CD200R1: variants seen among roughly 807,000 people sequenced by gnomAD.
CD200R1 encodes the protein CD200 receptor 1.
CD200R1 carries 30 observed loss-of-function variants against 38.1 expected under a neutral mutation model. The ratio of observed to expected loss-of-function variants is 0.79; its 90% CI spans 0.59 to 1.07. The LOEUF is 1.07. Ranked by LOEUF, CD200R1 falls within the 50% of genes least tolerant of loss-of-function variation. The pLI is 0.00. For missense variants in CD200R1, 372 were observed against 415.4 expected (o/e 0.90, Z 0.91); for synonymous variants, 128 against 152.1 (o/e 0.84, Z 1.16).
At chr3:112,939,869 C>A (rs200236936) in intron 2 of CD200R1, among the ~76,000 whole-genome samples, 148 of 120,208 alleles carry the variant, frequency 1.2e-3, no homozygotes, top group African/African-American at 1.2e-3. Flanking sequence ...ACAAACAAAC[C>A]AAAAAAAAAA....
At chr3:112,937,801 T>C (rs1940622205) in intron 2 of CD200R1, among the ~76,000 whole-genome samples, 2 of 152,240 alleles carry the variant, frequency 1.3e-5, no homozygotes, top group Admixed American at 6.5e-5. Flanking sequence ...ATTTTCACAA[T>C]ATTGATTCTT....
chr3:112,974,195 G>A (rs1933378297), intron 1 of CD200R1, among the ~76,000 whole-genome samples: 1 of 152,134 alleles, frequency 6.6e-6, no homozygotes, highest in African/African-American at 2.4e-5. Context: ...CAATGCTTTG[G>A]GAGTCTGAGG....
chr3:112,954,032 G>T (rs1280716757), intron 1 of CD200R1, among the ~76,000 whole-genome samples: 2 of 151,948 alleles, frequency 1.3e-5, no homozygotes, highest in Non-Finnish European at 2.9e-5. Context: ...GTTTATTTGA[G>T]ATTTTTCTTC....
chr3:112,928,786 A>G, intron 5 of CD200R1, 30 bp downstream of exon 5: 1 of 1,524,326 alleles, frequency 6.6e-7, no homozygotes, highest in Non-Finnish European at 8.9e-7. Flanking sequence ...ATGGAAAAAA[A>G]TAAAAAATAA....
chr3:112,948,061 C>T, intron 1 of CD200R1, 137 bp from the exon 2 acceptor site: 2 of 663,400 alleles, frequency 3.0e-6, no homozygotes, highest in Non-Finnish European at 5.4e-6. Context: ...TAAATTATGA[C>T]AGCCAAGCAA....
chr3:112,958,979 C>T (rs1576150125), intron 1 of CD200R1, among the ~76,000 whole-genome samples: 1 of 152,022 alleles, frequency 6.6e-6, no homozygotes, highest in African/African-American at 2.4e-5. Context: ...ATGGAGGTTT[C>T]CTCCAGTGAG....
At chr3:112,953,279 C>G (rs1941011408) in intron 1 of CD200R1, among the ~76,000 whole-genome samples, 1 of 152,018 alleles carries the variant, frequency 6.6e-6, no homozygotes, top group African/African-American at 2.4e-5. Context: ...GTATGTTGAT[C>G]CTTACATCCC....
chr3:112,952,792 TAATA>T (rs1015654641), intron 1 of CD200R1, among the ~76,000 whole-genome samples: 176 of 152,032 alleles, frequency 1.2e-3, no homozygotes, highest in Middle Eastern at 6.8e-3. Flanking sequence ...ATAATAATAA[TAATA>T]AATAAATAAA....
At chr3:112,958,520 T>A (rs1354645167) in intron 1 of CD200R1, among the ~76,000 whole-genome samples, 3 of 152,170 alleles carry the variant, frequency 2.0e-5, no homozygotes, top group Non-Finnish European at 4.4e-5. Context: ...ATTTTGGAAA[T>A]GGTGAAAATG....
intron 5 of CD200R1, among the ~76,000 whole-genome samples, chr3:112,927,559 G>C (rs1398265735): frequency 6.6e-6 from 1 of 152,100 alleles, no homozygotes; most frequent in Non-Finnish European, 1.5e-5. Context: ...ATATATGAAA[G>C]AAAGAGTTAA....
intron 5 of CD200R1, among the ~76,000 whole-genome samples, chr3:112,926,338 C>A (rs1312160881): frequency 1.3e-5 from 2 of 152,130 alleles, no homozygotes; most frequent in African/African-American, 4.8e-5. Context: ...ACCTTTCTTC[C>A]ACAGTTGATG....
chr3:112,963,936 G>T (rs537768874), intron 1 of CD200R1, among the ~76,000 whole-genome samples: 6 of 152,302 alleles, frequency 3.9e-5, no homozygotes, highest in African/African-American at 1.2e-4. Context: ...CTAGGGACTT[G>T]GTTCCCTGTG....
At position 112,923,757 on chromosome 3, in the gene CD200R1, G is replaced by GATT; in HGVS notation, c.964_966dup (p.Asn322dup). The GATT allele has an allele frequency of 6.2e-7, 1 of 1,608,240 alleles. No homozygotes were observed. Among genetic ancestry groups the GATT allele is most frequent in the Non-Finnish European group, 8.5e-7 (1 of 1,176,614 alleles). Reference sequence around the variant, plus strand: ...ACCTTGTTTGTAGTATCATAGAGAGGATTGTTCTTCTCTGTGTAGCTGGCA... The same window carrying GATT: ...ACCTTGTTTGTAGTATCATAGAGAGGATTATTGTTCTTCTCTGTGTAGCTGGCA... On this transcript the variant is annotated inframe_insertion, in exon 8 of 8. Coordinates refer to ENST00000308611, the MANE Select transcript of CD200R1 (RefSeq NM_138806.4).
intron 1 of CD200R1, among the ~76,000 whole-genome samples, chr3:112,965,492 G>A (rs1933134264): frequency 6.6e-6 from 1 of 152,190 alleles, no homozygotes; most frequent in Admixed American, 6.5e-5. Flanking sequence ...GCCAGGCATG[G>A]TGGCTCATGC....
rs143808865 is a variant in CD200R1 at position 112,974,805 on chromosome 3, A to G, written c.53T>C (p.Ile18Thr). The change falls in exon 1 of 8, where the codon ATC (isoleucine) becomes ACC (threonine). Residue 18 changes from isoleucine (I) to threonine (T), a missense_variant. By Grantham distance (89) the Ile-to-Thr change is moderately conservative. Transcript: ENST00000308611. ...TTCAAACTTACCGGCCACTAAGAAG[A>G]TAGTCAAAATCAACAGTAGCCCTAG... is the stretch of plus-strand genomic sequence containing the variant. ...ANLGLLLILTIFLVAEAEGAA... is the reference protein window; with the variant it reads ...ANLGLLLILTTFLVAEAEGAA... 8,704 of 1,611,426 alleles carry G rather than the reference A, an allele frequency of 5.4e-3. 39 individuals are homozygous for G. The highest frequency in any genetic ancestry group is 6.9e-3 in the Non-Finnish European group (8,145 of 1,177,744).
chr3:112,974,757 T>A (rs1329187846), intron 1 of CD200R1, 34 bp downstream of exon 1: 13 of 1,376,326 alleles, frequency 9.4e-6, no homozygotes, highest in Non-Finnish European at 7.3e-6. Flanking sequence ...AGACCAGGTT[T>A]CTCACTGTTC....
At position 112,922,010 on chromosome 3, in the gene CD200R1, G is replaced by A. The variant is rs1011143055; in HGVS notation, c.*1667C>T. 9.2e-5 allele frequency: 14 copies of A among 151,942 alleles called. No homozygotes were observed. Among genetic ancestry groups the A allele is most frequent in the Admixed American group, 4.6e-4 (7 of 15,206 alleles). 9.4% of individuals were successfully genotyped at this position (151,942 alleles called of 1,614,324 possible). On this transcript the variant is annotated 3_prime_UTR_variant, in exon 8 of 8. Transcript: ENST00000308611. ...TGATGTCTATTGTGAACATTGCTTG[G>A]TAATATTTATATGCAGAAACCTAAT...
intron 5 of CD200R1, 45 bp downstream of exon 5, chr3:112,928,771 A>G (rs538738016): frequency 6.8e-7 from 1 of 1,467,640 alleles, no homozygotes; most frequent in East Asian, 2.4e-5. Flanking sequence ...AACTCTTTTA[A>G]AAGAATGGAA....
chr3:112,928,665 CA>C, intron 5 of CD200R1, 150 bp downstream of exon 5: 1 of 634,968 alleles, frequency 1.6e-6, no homozygotes, highest in Non-Finnish European at 2.7e-6. Context: ...CTATTCTCCT[CA>C]ACTCATCTCT....
Sources: allele counts gnomAD v4.1 joint callset (sites outside exome capture counted in the v4.1 genomes callset), GRCh38; gene constraint gnomAD v4.1.1; transcripts MANE v1.5; gene names NCBI Gene and HGNC (gene_info 2026-07-23, HGNC 2026-07-21).